The following MYO1D variants were observed in gnomAD, a reference collection of about 807,000 sequenced individuals.
MYO1D encodes unconventional myosin-Id.
A neutral mutation model predicts 122.0 loss-of-function variants in MYO1D; 83 were observed. That is an observed-to-expected ratio of 0.68 (90% CI 0.57 to 0.82). The LOEUF is 0.82. Among genes scored for constraint, MYO1D ranks in the 40% least tolerant of loss-of-function variants. The pLI, the probability that MYO1D is intolerant of heterozygous loss-of-function variation, is 0.00. For synonymous variants in MYO1D, 464 were observed against 446.9 expected (o/e 1.04, Z -0.48); for missense variants, 1,157 against 1,269.5 (o/e 0.91, Z 1.35).
chr17:32,731,286 T>C (rs2089636389), intron 14 of MYO1D, among the ~76,000 whole-genome samples: 1 of 152,256 alleles, frequency 6.6e-6, no homozygotes. Context: ...TATTTTCATT[T>C]CACTACTTTC....
chr17:32,851,205 G>C (rs2090985403), intron 1 of MYO1D, among the ~76,000 whole-genome samples: 1 of 152,016 alleles, frequency 6.6e-6, no homozygotes, highest in Non-Finnish European at 1.5e-5. Flanking sequence ...CCAACATCTT[G>C]CCTTCTATTT....
intron 1 of MYO1D, among the ~76,000 whole-genome samples, chr17:32,874,358 T>G (rs1271295770): frequency 1.0e-5 from 1 of 96,394 alleles, no homozygotes; most frequent in Non-Finnish European, 2.1e-5. Flanking sequence ...CTTTTTCTTC[T>G]AAGAGACAGG....
chr17:32,687,197 T>G (rs966116301), intron 16 of MYO1D, among the ~76,000 whole-genome samples: 3 of 39,498 alleles, frequency 7.6e-5, no homozygotes, highest in Non-Finnish European at 1.5e-4. Context: ...CCTGGCTAAT[T>G]TTTTTTTTTT....
chr17:32,804,060 C>T (rs1228028609), intron 1 of MYO1D, among the ~76,000 whole-genome samples: 2 of 152,062 alleles, frequency 1.3e-5, no homozygotes, highest in Non-Finnish European at 2.9e-5. Context: ...GGGTTGGTTC[C>T]AGGACCTCTT....
chr17:32,502,815 A>AT (rs542799752), intron 21 of MYO1D, among the ~76,000 whole-genome samples: 1 of 152,134 alleles, frequency 6.6e-6, no homozygotes, highest in Non-Finnish European at 1.5e-5. Flanking sequence ...TTCTTTCCTT[A>AT]TTTTTTAAAG....
At chr17:32,679,776 G>GT in intron 16 of MYO1D, among the ~76,000 whole-genome samples, 1 of 151,980 alleles carries the variant, frequency 6.6e-6, no homozygotes, top group Non-Finnish European at 1.5e-5. Flanking sequence ...CTTTAAAGTA[G>GT]TTTTTTCCAA....
chr17:32,648,848 T>G (rs564219653), intron 19 of MYO1D, among the ~76,000 whole-genome samples: 11 of 152,388 alleles, frequency 7.2e-5, no homozygotes, highest in African/African-American at 2.6e-4. Flanking sequence ...CCATTTGTTC[T>G]TTGTTCCCTT....
intron 16 of MYO1D, among the ~76,000 whole-genome samples, chr17:32,695,588 AATAGATAACTTG>A (rs1232505206): frequency 6.6e-6 from 1 of 152,246 alleles, no homozygotes; most frequent in Non-Finnish European, 1.5e-5. Flanking sequence ...AAGAAGGTAG[AATAGATAACTTG>A]ATATCCCTAC....
At chr17:32,715,664 A>T (rs1380561332) in intron 15 of MYO1D, among the ~76,000 whole-genome samples, 7 of 152,118 alleles carry the variant, frequency 4.6e-5, no homozygotes, top group African/African-American at 1.7e-4. Context: ...AAATATGTAT[A>T]TTTTATAAGT....
intron 21 of MYO1D, chr17:32,518,630 A>T (rs3814984): frequency 0.4 from 61,020 of 151,866 alleles, 13,139 homozygotes; most frequent in Non-Finnish European, 0.47. Flanking sequence ...GTATCAGTCA[A>T]CACTAAGACT....
intron 21 of MYO1D, among the ~76,000 whole-genome samples, chr17:32,574,967 T>G (rs971637358): frequency 4.6e-5 from 7 of 152,254 alleles, no homozygotes; most frequent in African/African-American, 1.7e-4. Flanking sequence ...TATGTCTACC[T>G]TGTAATACAG....
At chr17:32,860,574 T>G (rs1305945208) in intron 1 of MYO1D, among the ~76,000 whole-genome samples, 1 of 152,256 alleles carries the variant, frequency 6.6e-6, no homozygotes, top group Non-Finnish European at 1.5e-5. Context: ...TACTTCTTAT[T>G]TACATTGTAA....
intron 7 of MYO1D, among the ~76,000 whole-genome samples, chr17:32,766,933 T>C (rs1373305481): frequency 1.3e-5 from 2 of 152,254 alleles, no homozygotes; most frequent in Non-Finnish European, 2.9e-5. Context: ...TTATTGTTTA[T>C]ATTGCTATAT....
At position 32,560,926 on chromosome 17, in the gene MYO1D, T is replaced by C. The variant is rs537686163; in HGVS notation, c.2864+44161A>G. Among the ~76,000 whole-genome samples, 3 of 150,978 alleles carry C rather than the reference T, an allele frequency of 2.0e-5. No individual in the cohort carries two copies. The East Asian group carries it at 5.9e-4, about 29-fold the overall frequency. ...AGCCACTATGCGTGGCTTTTTTTTT[T>C]TTTTTTGAGAGTCTTGCTCTTGCTG... On this transcript the variant is annotated intron_variant, in intron 21 of 21. Coordinates refer to ENST00000318217, the MANE Select transcript of MYO1D (RefSeq NM_015194.3).
At chr17:32,602,410 T>C (rs2087572291) in intron 21 of MYO1D, 1 of 152,224 alleles carries the variant, frequency 6.6e-6, no homozygotes, top group Non-Finnish European at 1.5e-5. Context: ...TTTCAGGACA[T>C]AGCTAAGTTA....
chr17:32,764,887 G>T lies in MYO1D; in HGVS notation c.1026C>A (p.Ala342=). Residue 342 remains alanine (A), a synonymous_variant, in exon 8 of 22, where the codon GCC becomes GCA. Transcript: ENST00000318217. ...TEQEASYGRD[A]FAKAIYERLF... ...TCAGTTACACTCTCACCTTGGCAAA[G>T]GCGTCTCTGCCGTAGCTGGCCTCTT... is the stretch of plus-strand genomic sequence containing the variant. The T allele has an allele frequency of 1.9e-6, 3 of 1,614,056 alleles. No individual in the cohort carries two copies. The highest frequency in any genetic ancestry group is 2.5e-6 in the Non-Finnish European group (3 of 1,180,038).
At chr17:32,766,577 C>T (rs1456163608) in intron 7 of MYO1D, among the ~76,000 whole-genome samples, 2 of 152,166 alleles carry the variant, frequency 1.3e-5, no homozygotes, top group Non-Finnish European at 1.5e-5. Flanking sequence ...GGGCAGATCA[C>T]GAGGTCAGGA....
chr17:32,749,928 C>T (rs1455928759), intron 11 of MYO1D, among the ~76,000 whole-genome samples: 1 of 152,168 alleles, frequency 6.6e-6, no homozygotes, highest in Non-Finnish European at 1.5e-5. Context: ...ACAACAATCT[C>T]TCTGTTACAC....
intron 16 of MYO1D, among the ~76,000 whole-genome samples, chr17:32,667,632 A>G (rs2088654444): frequency 6.6e-6 from 1 of 152,328 alleles, no homozygotes; most frequent in South Asian, 2.1e-4. Flanking sequence ...CGTCCTGATG[A>G]ACTTAACTAT....
Sources: gnomAD v4.1 joint callset for allele counts (sites outside exome capture counted in the v4.1 genomes callset) on GRCh38, gnomAD v4.1.1 for gene constraint, MANE v1.5 for transcripts, NCBI Gene and HGNC (gene_info 2026-07-23, HGNC 2026-07-21) for gene names.